Variants in CD4 observed in about 807,000 individuals in gnomAD.
CD4 encodes the protein CD4 molecule.
Under a neutral mutation model 50.5 loss-of-function variants are expected in CD4, and 25 were observed. The ratio of observed to expected loss-of-function variants is 0.49; its 90% CI spans 0.36 to 0.69. CD4 has a LOEUF of 0.69. CD4 is among the 30% of genes least tolerant of loss of function. CD4 has a pLI of 0.00. For missense variants in CD4, 456 were observed against 548.5 expected (o/e 0.83, Z 1.68); for synonymous variants, 207 against 221.9 (o/e 0.93, Z 0.60).
At chr12:6,800,811 CA>C (rs1942521233) in intron 3 of CD4, among the ~76,000 whole-genome samples, 4 of 152,104 alleles carry the variant, frequency 2.6e-5, no homozygotes, top group Non-Finnish European at 5.9e-5. Flanking sequence ...ATAATCCTAG[CA>C]CTGTGGGAGG....
intron 3 of CD4, among the ~76,000 whole-genome samples, chr12:6,810,426 A>C (rs1415980009): frequency 6.6e-6 from 1 of 152,212 alleles, no homozygotes; most frequent in Non-Finnish European, 1.5e-5. Context: ...TGATGGCAGG[A>C]TATTAACATA....
rs782351093 is a variant in CD4, at chr12:6,803,029, G to A, written c.214+2558G>A. 3.9e-5 allele frequency among the ~76,000 whole-genome samples: 6 copies of A among 152,140 alleles called. No homozygotes were observed. In the East Asian group the frequency reaches 5.8e-4, roughly 15 times the overall value. On this transcript the variant is annotated intron_variant, in intron 3 of 9. Coordinates refer to ENST00000011653, the MANE Select transcript of CD4 (RefSeq NM_000616.5). ...AGTACAGGTGTGAGCCACCGCACTC[G>A]GCCTAGACTAACTATTTAAAGTAAT...
chr12:6,814,364 C>T, intron 4 of CD4, 64 bp downstream of exon 4: 1 of 1,529,656 alleles, frequency 6.5e-7, no homozygotes, highest in Non-Finnish European at 8.9e-7. Flanking sequence ...TACTCCCACC[C>T]CTGCACCAAA....
intron 3 of CD4, among the ~76,000 whole-genome samples, chr12:6,812,603 C>T (rs199568076): frequency 2.6e-5 from 4 of 151,770 alleles, no homozygotes; most frequent in African/African-American, 7.3e-5. Flanking sequence ...TGCTTGAACC[C>T]GGGAGGCGGA....
At chr12:6,797,406 AG>A (rs1359038148) in intron 1 of CD4, among the ~76,000 whole-genome samples, 1 of 152,124 alleles carries the variant, frequency 6.6e-6, no homozygotes, top group East Asian at 1.9e-4. Flanking sequence ...ACCTCTCTGA[AG>A]GGGGCCTGCC....
At chr12:6,800,256 AG>A in intron 2 of CD4, 50 bp from the exon 3 acceptor site, 1 of 1,612,026 alleles carries the variant, frequency 6.2e-7, no homozygotes, top group Non-Finnish European at 8.5e-7. Flanking sequence ...AGGATGGGGT[AG>A]AGGGGGACAG....
chr12:6,809,359 G>C (rs781953101), intron 3 of CD4, among the ~76,000 whole-genome samples: 1 of 152,028 alleles, frequency 6.6e-6, no homozygotes, highest in South Asian at 2.1e-4. Flanking sequence ...AGTCGGGAGT[G>C]GTGGCACATG....
chr12:6,802,012 T>C (rs1031449433), intron 3 of CD4, among the ~76,000 whole-genome samples: 2 of 151,832 alleles, frequency 1.3e-5, no homozygotes, highest in Non-Finnish European at 2.9e-5. Flanking sequence ...TAGCTGGGAC[T>C]ACAGGCGTGT....
chr12:6,818,773 A>G lies in CD4; in HGVS notation c.1279-74A>G. On this transcript the variant is annotated intron_variant, in intron 8 of 9. Coordinates refer to ENST00000011653, the MANE Select transcript of CD4 (RefSeq NM_000616.5). This position sits in a 1 kb window ranked among gnomAD's most constrained non-coding sequence, Gnocchi z 5.0. ...TGCTTCTCCTGTCGCAGCTTCCCCC[A>G]CTCCCCCCACCAAGGGGCACCTCCC... is the stretch of plus-strand genomic sequence containing the variant. The G allele has an allele frequency of 7.2e-7, 1 of 1,388,106 alleles. No homozygotes were observed. Among genetic ancestry groups the G allele is most frequent in the Non-Finnish European group, 1.0e-6 (1 of 975,430 alleles). 86.0% of individuals were successfully genotyped at this position (1,388,106 alleles called of 1,614,324 possible). A position where few individuals can be genotyped will look rare whatever the true frequency, so the allele number is the denominator to read the frequency against.
intron 1 of CD4, among the ~76,000 whole-genome samples, chr12:6,794,801 T>TTTTTTTTTTTTTTTTTTTTTA (rs1942320912): frequency 7.0e-6 from 1 of 142,846 alleles, no homozygotes; most frequent in Non-Finnish European, 1.5e-5. Context: ...TTTTTTTTTT[T>TTTTTTTTTTTTTTTTTTTTTA]TGAGATAGAG....
At chr12:6,796,335 T>A (rs1396781482) in intron 1 of CD4, among the ~76,000 whole-genome samples, 1 of 152,086 alleles carries the variant, frequency 6.6e-6, no homozygotes, top group East Asian at 1.9e-4. Flanking sequence ...GTCACCAAGC[T>A]TCAACGGCAA....
At chr12:6,814,627 G>A (rs1025914553) in intron 4 of CD4, 132 bp from the exon 5 acceptor site, 2 of 788,084 alleles carry the variant, frequency 2.5e-6, no homozygotes, top group Non-Finnish European at 2.3e-6. Context: ...TTGGCTGGGG[G>A]TGCGCAGCTG....
At chr12:6,801,939 T>A (rs1335500433) in intron 3 of CD4, among the ~76,000 whole-genome samples, 3 of 148,096 alleles carry the variant, frequency 2.0e-5, no homozygotes, top group Non-Finnish European at 4.5e-5. Context: ...GTGGGCATGA[T>A]CTTGGCTCAC....
chr12:6,793,475 C>T (rs1416302602), intron 1 of CD4, among the ~76,000 whole-genome samples: 1 of 152,122 alleles, frequency 6.6e-6, no homozygotes, highest in Non-Finnish European at 1.5e-5. Flanking sequence ...TGAGGCTACT[C>T]CTATTCTACT....
chr12:6,793,066 A>C (rs1210747095), intron 1 of CD4, among the ~76,000 whole-genome samples: 2 of 152,126 alleles, frequency 1.3e-5, no homozygotes, highest in East Asian at 3.9e-4. Context: ...CTACCGTACT[A>C]GGGTAAGACA....
chr12:6,815,299 T>C (rs1943057507), intron 5 of CD4, among the ~76,000 whole-genome samples: 1 of 152,104 alleles, frequency 6.6e-6, no homozygotes, highest in African/African-American at 2.4e-5. Context: ...TTACTTTCTT[T>C]GTTGCCTCAG....
chr12:6,812,799 G>T (rs2137907755), intron 3 of CD4, among the ~76,000 whole-genome samples: 1 of 150,766 alleles, frequency 6.6e-6, no homozygotes, highest in East Asian at 1.9e-4. Flanking sequence ...GTGTGTGTGT[G>T]TGTGTGTGTT....
chr12:6,812,183 T>A (rs1942958613), intron 3 of CD4, among the ~76,000 whole-genome samples: 1 of 151,966 alleles, frequency 6.6e-6, no homozygotes, highest in South Asian at 2.1e-4. Context: ...GCGGGTTGCT[T>A]GAGGTCAGGA....
chr12:6,799,838 G>T (rs1260393477), intron 1 of CD4, among the ~76,000 whole-genome samples: 1 of 152,184 alleles, frequency 6.6e-6, no homozygotes, highest in Non-Finnish European at 1.5e-5. Flanking sequence ...GATCTAGCCA[G>T]CCATGGGGCT....
Sources: allele counts gnomAD v4.1 joint callset (sites outside exome capture counted in the v4.1 genomes callset), GRCh38; gene constraint gnomAD v4.1.1; non-coding constraint Gnocchi (gnomAD v3.1); transcripts MANE v1.5; gene names NCBI Gene and HGNC (gene_info 2026-07-23, HGNC 2026-07-21).